Variants in DLGAP2 observed in about 807,000 individuals in gnomAD.
DLGAP2 encodes disks large-associated protein 2.
DLGAP2 carries 26 observed loss-of-function variants against 100.3 expected under a neutral mutation model. The observed-to-expected ratio is 0.26, with a 90% CI of 0.19 to 0.36. DLGAP2 has a LOEUF of 0.36. Among genes scored for constraint, DLGAP2 ranks in the 10% least tolerant of loss-of-function variants. DLGAP2 has a pLI of 1.00. For missense variants in DLGAP2, 1,858 were observed against 1,453.2 expected (o/e 1.28, Z -4.53); for synonymous variants, 886 against 630.1 (o/e 1.41, Z -6.08).
Position 1,449,493 on chromosome 8 carries a change from C to A in DLGAP2, c.107-51873C>A, listed in dbSNP as rs139612906. Reference sequence around the variant, plus strand: ...ACGGGACGGCACCAGCGGGCATGGACCTGGGATGTCAGAGGCTCTCACAGC... The same window carrying A: ...ACGGGACGGCACCAGCGGGCATGGAACTGGGATGTCAGAGGCTCTCACAGC... On this transcript the variant is annotated intron_variant, in intron 3 of 14. Coordinates refer to ENST00000637795, the MANE Select transcript of DLGAP2 (RefSeq NM_001346810.2). Among the ~76,000 whole-genome samples the A allele has an allele frequency of 1.0e-3, 154 of 152,258 alleles. No individual in the cohort carries two copies. In the East Asian group the frequency reaches 0.015, roughly 15 times the overall value.
intron 2 of DLGAP2, among the ~76,000 whole-genome samples, chr8:1,191,440 G>T (rs1797636919): frequency 6.6e-6 from 1 of 152,298 alleles, no homozygotes; most frequent in African/African-American, 2.4e-5. Context: ...AAAGTGCGGG[G>T]ATTATAGGCG....
chr8:1,478,912 A>T (rs1408625958), intron 3 of DLGAP2, among the ~76,000 whole-genome samples: 1 of 152,250 alleles, frequency 6.6e-6, no homozygotes, highest in Non-Finnish European at 1.5e-5. Context: ...GTTGAGGGAG[A>T]TGACGGCGCA....
intron 2 of DLGAP2, among the ~76,000 whole-genome samples, chr8:1,034,213 C>T (rs76112955): frequency 0.038 from 650 of 17,284 alleles, no homozygotes; most frequent in Middle Eastern, 0.045. Context: ...CCCGACCCTG[C>T]GTGTCACCGC....
intron 2 of DLGAP2, among the ~76,000 whole-genome samples, chr8:933,262 G>A (rs1017666615): frequency 2.0e-5 from 3 of 152,276 alleles, no homozygotes; most frequent in African/African-American, 7.2e-5. Flanking sequence ...GTGGGTTAGG[G>A]AGCCCTCTGT....
intron 1 of DLGAP2, among the ~76,000 whole-genome samples, chr8:877,960 C>A (rs982469660): frequency 2.0e-5 from 3 of 152,192 alleles, no homozygotes; most frequent in Admixed American, 2.0e-4. Context: ...TGGTTCAAAT[C>A]CCACAGGTAC....
At chr8:1,607,092 T>A (rs1436838221) in intron 6 of DLGAP2, among the ~76,000 whole-genome samples, 1 of 152,232 alleles carries the variant, frequency 6.6e-6, no homozygotes, top group Non-Finnish European at 1.5e-5. Context: ...TTTGAGGAAC[T>A]CCCAGACTGT....
At chr8:1,084,170 A>G (rs935179637) in intron 2 of DLGAP2, among the ~76,000 whole-genome samples, 1 of 152,230 alleles carries the variant, frequency 6.6e-6, no homozygotes, top group Admixed American at 6.5e-5. Context: ...TGAAGTTAAG[A>G]TTCTTCAAAA....
rs181563808 is a variant in DLGAP2 at position 776,547 on chromosome 8, T to A, written c.18+38722T>A. The stretch of plus-strand genomic sequence containing the variant: ...ATGCGTCCCAGAGATTCTGGTATGT[T>A]TTGTCTTTGTTCTCTTGGTTTCAAA... On this transcript the variant is annotated intron_variant, in intron 1 of 14. Transcript: ENST00000637795. 2.9e-3 allele frequency among the ~76,000 whole-genome samples: 440 copies of A among 152,338 alleles called. 3 individuals are homozygous for A. Among genetic ancestry groups the A allele is most frequent in the African/African-American group, 0.01 (416 of 41,566 alleles).
chr8:851,130 G>A (rs1797175621), intron 1 of DLGAP2, among the ~76,000 whole-genome samples: 1 of 152,236 alleles, frequency 6.6e-6, no homozygotes, highest in Non-Finnish European at 1.5e-5. Flanking sequence ...AGACTTTTCT[G>A]TATGTAGATG....
chr8:1,525,547 C>T (rs1476079859), intron 4 of DLGAP2, among the ~76,000 whole-genome samples: 1 of 152,236 alleles, frequency 6.6e-6, no homozygotes, highest in Non-Finnish European at 1.5e-5. Context: ...GAACTCAGGA[C>T]TTACACAGCA....
intron 8 of DLGAP2, among the ~76,000 whole-genome samples, chr8:1,657,365 A>G (rs1045689648): frequency 2.6e-5 from 4 of 152,248 alleles, no homozygotes; most frequent in African/African-American, 9.6e-5. Context: ...GCTCATAAGG[A>G]TTAGTTGTGA....
chr8:922,853 T>G (rs1798742971), intron 2 of DLGAP2, among the ~76,000 whole-genome samples: 1 of 152,228 alleles, frequency 6.6e-6, no homozygotes, highest in South Asian at 2.1e-4. Flanking sequence ...TTGGGGTTAA[T>G]GTGCAGGCAT....
At chr8:1,542,013 G>A (rs531048215) in intron 4 of DLGAP2, among the ~76,000 whole-genome samples, 1 of 152,314 alleles carries the variant, frequency 6.6e-6, no homozygotes, top group South Asian at 2.1e-4. Flanking sequence ...GCCATATAGT[G>A]ATCAGAGCAA....
chr8:848,376 G>T (rs1473487246), intron 1 of DLGAP2, among the ~76,000 whole-genome samples: 1 of 112,966 alleles, frequency 8.9e-6, no homozygotes, highest in African/African-American at 3.3e-5. Context: ...CCAGTGTAGG[G>T]TCGTGCGGTG....
chr8:965,868 G>A (rs1007203929), intron 2 of DLGAP2, among the ~76,000 whole-genome samples: 12 of 152,060 alleles, frequency 7.9e-5, no homozygotes, highest in East Asian at 1.9e-4. Flanking sequence ...CCCGACCCCC[G>A]CATGCACACA....
chr8:806,212 G>T (rs765665111), intron 1 of DLGAP2, among the ~76,000 whole-genome samples: 29 of 152,298 alleles, frequency 1.9e-4, no homozygotes, highest in Non-Finnish European at 3.5e-4. Flanking sequence ...GCTCATTCTG[G>T]TTGACAAAAG....
intron 1 of DLGAP2, among the ~76,000 whole-genome samples, chr8:856,114 G>T (rs1355138472): frequency 6.6e-6 from 1 of 151,312 alleles, no homozygotes; most frequent in Non-Finnish European, 1.5e-5. Flanking sequence ...AAATGCATTT[G>T]TCAACAGATG....
intron 3 of DLGAP2, among the ~76,000 whole-genome samples, chr8:1,329,719 A>C (rs1438859869): frequency 6.6e-6 from 1 of 152,136 alleles, no homozygotes; most frequent in Non-Finnish European, 1.5e-5. Context: ...GTCACCTTCT[A>C]ACAGCAGAGA....
intron 2 of DLGAP2, among the ~76,000 whole-genome samples, chr8:1,220,857 C>A (rs530496925): frequency 1.3e-5 from 2 of 148,486 alleles, no homozygotes; most frequent in African/African-American, 4.9e-5. Flanking sequence ...TTATGTAATG[C>A]CTTTTTTGTC....
Sources: gnomAD v4.1 joint callset for allele counts (sites outside exome capture counted in the v4.1 genomes callset) on GRCh38, gnomAD v4.1.1 for gene constraint, MANE v1.5 for transcripts, NCBI Gene and HGNC (gene_info 2026-07-23, HGNC 2026-07-21) for gene names.